RBPMS: variants seen among roughly 807,000 people sequenced by gnomAD.
RBPMS encodes the protein RNA binding protein, mRNA processing factor, also known as RNA-binding protein with multiple splicing.
A neutral mutation model predicts 26.8 loss-of-function variants in RBPMS; 7 were observed. The observed-to-expected ratio is 0.26, with a 90% confidence interval of 0.15 to 0.49. The LOEUF is 0.49. Ranked by LOEUF, RBPMS falls within the 20% of genes least tolerant of loss-of-function variation. The pLI is 0.98. For missense variants in RBPMS, 186 were observed against 250.0 expected (o/e 0.74, Z 1.73); for synonymous variants, 96 against 93.3 (o/e 1.03, Z -0.17).
At chr8:30,420,227 C>CA (rs757041021) in intron 1 of RBPMS, among the ~76,000 whole-genome samples, 4,886 of 126,224 alleles carry the variant, frequency 0.039, 133 homozygotes, top group African/African-American at 0.078. Flanking sequence ...GACCCTGCTT[C>CA]AAAAAAAAAA....
chr8:30,452,238 G>A (rs746618144), intron 1 of RBPMS, among the ~76,000 whole-genome samples: 127 of 152,160 alleles, frequency 8.3e-4, no homozygotes, highest in Non-Finnish European at 7.2e-4. Context: ...GCTGTCATAA[G>A]TGGCCAGAAA....
At chr8:30,523,370 G>C (rs911603808) in intron 5 of RBPMS, among the ~76,000 whole-genome samples, 1 of 148,068 alleles carries the variant, frequency 6.8e-6, no homozygotes, top group Non-Finnish European at 1.5e-5. Context: ...GAGTGAAACT[G>C]TGTCTCAAAA....
At chr8:30,495,436 G>A (rs1585657008) in intron 4 of RBPMS, among the ~76,000 whole-genome samples, 2 of 152,050 alleles carry the variant, frequency 1.3e-5, no homozygotes, top group South Asian at 2.1e-4. Flanking sequence ...TGGCTCCATG[G>A]GCACGTATAC....
At chr8:30,537,039 A>T (rs893282940) in intron 5 of RBPMS, among the ~76,000 whole-genome samples, 3 of 152,150 alleles carry the variant, frequency 2.0e-5, no homozygotes, top group Non-Finnish European at 2.9e-5. Context: ...ACTCTGGGTA[A>T]CCCTCATCCC....
At chr8:30,486,313 C>G (rs963692906) in intron 4 of RBPMS, among the ~76,000 whole-genome samples, 2 of 151,630 alleles carry the variant, frequency 1.3e-5, no homozygotes, top group Admixed American at 6.6e-5. Flanking sequence ...GCATTCCAGC[C>G]TGGATGACAG....
intron 6 of RBPMS, chr8:30,545,569 T>C (rs1825802997): frequency 4.5e-6 from 2 of 447,998 alleles, no homozygotes; most frequent in African/African-American, 4.3e-5. Context: ...TTCGTTTGCC[T>C]GTTTTGCTCA....
intron 1 of RBPMS, among the ~76,000 whole-genome samples, chr8:30,414,191 G>A (rs1468229471): frequency 3.3e-5 from 5 of 150,696 alleles, no homozygotes; most frequent in East Asian, 1.9e-4. Context: ...AGTGGCTGTC[G>A]CCATTTTTAT....
chr8:30,510,899 A>G (rs1821518772), intron 5 of RBPMS, among the ~76,000 whole-genome samples: 1 of 152,130 alleles, frequency 6.6e-6, no homozygotes, highest in Non-Finnish European at 1.5e-5. Flanking sequence ...GGGTGCTGAC[A>G]GCTATAGTTC....
At chr8:30,476,929 G>T (rs1385853870) in intron 2 of RBPMS, among the ~76,000 whole-genome samples, 1 of 152,178 alleles carries the variant, frequency 6.6e-6, no homozygotes, top group African/African-American at 2.4e-5. Flanking sequence ...ATTTTTGCAT[G>T]TCCCCATCAG....
chr8:30,392,030 C>T (rs1160911879), intron 1 of RBPMS, among the ~76,000 whole-genome samples: 1 of 151,950 alleles, frequency 6.6e-6, no homozygotes, highest in East Asian at 2.0e-4. Flanking sequence ...TCTTCATGTG[C>T]AGATTCTAGA....
chr8:30,496,074 A>G (rs73570079), intron 4 of RBPMS, among the ~76,000 whole-genome samples: 2,949 of 152,144 alleles, frequency 0.019, 95 homozygotes, highest in African/African-American at 0.068. Flanking sequence ...GTGTGGGACT[A>G]TCCTGCTCCT....
intron 5 of RBPMS, among the ~76,000 whole-genome samples, chr8:30,523,558 T>C (rs907257474): frequency 8.0e-5 from 12 of 150,694 alleles, no homozygotes; most frequent in Admixed American, 1.3e-4. Context: ...TTGAGTAAGA[T>C]TCCTCTAGAA....
intron 6 of RBPMS, among the ~76,000 whole-genome samples, chr8:30,554,314 G>A (rs1157807038): frequency 6.6e-6 from 1 of 152,164 alleles, no homozygotes; most frequent in Non-Finnish European, 1.5e-5. Flanking sequence ...CCACTGGAAG[G>A]GACCTTCCAG....
chr8:30,563,790 G>T (rs1585901991), intron 7 of RBPMS, among the ~76,000 whole-genome samples: 1 of 152,280 alleles, frequency 6.6e-6, no homozygotes, highest in East Asian at 1.9e-4. Flanking sequence ...TGGGGCTCCA[G>T]AGGCCCAGAC....
At chr8:30,518,937 C>T (rs1257377073) in intron 5 of RBPMS, among the ~76,000 whole-genome samples, 1 of 151,654 alleles carries the variant, frequency 6.6e-6, no homozygotes, top group Non-Finnish European at 1.5e-5. Flanking sequence ...TGTCCTCCAC[C>T]CAAAAGCCTG....
At chr8:30,497,324 C>T in intron 4 of RBPMS, among the ~76,000 whole-genome samples, 1 of 152,128 alleles carries the variant, frequency 6.6e-6, no homozygotes, top group East Asian at 1.9e-4. Context: ...AGGCAGATCA[C>T]TTGAGGTCAG....
At chr8:30,530,258 ATC>A (rs1824069168) in intron 5 of RBPMS, among the ~76,000 whole-genome samples, 1 of 152,216 alleles carries the variant, frequency 6.6e-6, no homozygotes, top group Non-Finnish European at 1.5e-5. Flanking sequence ...AAGCTTGGGC[ATC>A]ACACCATGTT....
intron 6 of RBPMS, chr8:30,549,653 C>G: frequency 8.2e-7 from 1 of 1,215,390 alleles, no homozygotes; most frequent in Non-Finnish European, 1.2e-6. Flanking sequence ...GGCCAGGCCT[C>G]ATGCTCACAG....
At chr8:30,448,278 C>T (rs1450052451) in intron 1 of RBPMS, among the ~76,000 whole-genome samples, 1 of 152,204 alleles carries the variant, frequency 6.6e-6, no homozygotes, top group Non-Finnish European at 1.5e-5. Context: ...ATGCCCTTAA[C>T]ATTAAGCATG....
Sources: allele counts gnomAD v4.1 joint callset (sites outside exome capture counted in the v4.1 genomes callset), GRCh38; gene constraint gnomAD v4.1.1; transcripts MANE v1.5; gene names NCBI Gene and HGNC (gene_info 2026-07-23, HGNC 2026-07-21).